Variants in OSBPL10 observed in about 807,000 individuals in gnomAD.
OSBPL10 encodes oxysterol-binding protein-related protein 10.
In OSBPL10, 49 loss-of-function variants were observed where a neutral mutation model predicts 81.7. The observed-to-expected ratio is 0.60, with a 90% CI of 0.48 to 0.76. The LOEUF is 0.76. OSBPL10 is among the 30% of genes least tolerant of loss of function. The probability of loss-of-function intolerance (pLI) is 0.00; values close to 1 mark genes in which losing one functional copy is unlikely to be tolerated. For synonymous variants in OSBPL10, 419 were observed against 383.6 expected, an observed-to-expected ratio of 1.09 and a Z score of -1.08; for missense variants, 923 against 987.8, an observed-to-expected ratio of 0.93 and a Z score of 0.88.
At chr3:32,043,806 G>A (rs1165084719) in intron 2 of OSBPL10, among the ~76,000 whole-genome samples, 1 of 152,212 alleles carries the variant, frequency 6.6e-6, no homozygotes. Flanking sequence ...GTGAATTAAT[G>A]TAGGAACAGA....
chr3:31,823,447 G>A (rs1038117747), intron 4 of OSBPL10, among the ~76,000 whole-genome samples: 1 of 151,184 alleles, frequency 6.6e-6, no homozygotes, highest in Non-Finnish European at 1.5e-5. Flanking sequence ...GAGTAAGCAA[G>A]CTCACAGTCT....
At chr3:31,959,216 C>A (rs139116320) in intron 1 of OSBPL10, among the ~76,000 whole-genome samples, 92 of 152,220 alleles carry the variant, frequency 6.0e-4, no homozygotes, top group Middle Eastern at 3.4e-3. Context: ...ATTTTTAATG[C>A]AGTCTAATCA....
At chr3:31,806,971 A>T (rs2125462496) in intron 4 of OSBPL10, among the ~76,000 whole-genome samples, 1 of 152,326 alleles carries the variant, frequency 6.6e-6, no homozygotes, top group Middle Eastern at 3.4e-3. Context: ...AAACATAGCC[A>T]GGGACCTGGT....
intron 2 of OSBPL10, among the ~76,000 whole-genome samples, chr3:32,026,631 C>A (rs1699417261): frequency 6.6e-6 from 1 of 152,170 alleles, no homozygotes; most frequent in South Asian, 2.1e-4. Flanking sequence ...CGCAGAAAAC[C>A]CTACCGTTAA....
chr3:31,978,782 T>G (rs1471893970), intron 1 of OSBPL10, among the ~76,000 whole-genome samples: 1 of 152,196 alleles, frequency 6.6e-6, no homozygotes, highest in Non-Finnish European at 1.5e-5. Flanking sequence ...GGAGTGTACT[T>G]AATACCACAT....
rs1021366497 is a variant in OSBPL10, at chr3:31,865,392, C to A, written c.537+11041G>T. On this transcript the variant is annotated intron_variant, in intron 3 of 11. Coordinates refer to ENST00000396556, the MANE Select transcript of OSBPL10 (RefSeq NM_017784.5). ...GTAGTCTCATGTGGCTAGAGGTCTC[C>A]ATATTGCACAGCATAGTTTTAAAAC... 1.2e-4 allele frequency among the ~76,000 whole-genome samples: 18 copies of A among 152,220 alleles called. No individual in the cohort carries two copies. In the East Asian group the frequency reaches 3.3e-3, roughly 28 times the overall value.
chr3:31,935,480 A>G (rs893917369), intron 1 of OSBPL10, among the ~76,000 whole-genome samples: 1 of 151,938 alleles, frequency 6.6e-6, no homozygotes, highest in Admixed American at 6.6e-5. Context: ...TTGGGAACTA[A>G]AAGAAGAAAA....
At chr3:31,758,071 A>G (rs1407429929) in intron 4 of OSBPL10, among the ~76,000 whole-genome samples, 3 of 152,316 alleles carry the variant, frequency 2.0e-5, no homozygotes, top group Admixed American at 6.5e-5. Flanking sequence ...AAATCTGCAT[A>G]TCAAAACTTA....
rs58442955 is a variant in OSBPL10, at chr3:32,028,927, GACACACACACACACACACAC to G, written n.298+17544_298+17563del. Among the ~76,000 whole-genome samples the G allele has an allele frequency of 2.6e-3, 271 of 105,728 alleles. 4 individuals are homozygous for G. Among genetic ancestry groups the G allele is most frequent in the African/African-American group, 9.3e-3 (251 of 27,070 alleles). 69.4% of individuals were successfully genotyped at this position (105,728 alleles called of 152,430 possible). A position where few individuals can be genotyped will look rare whatever the true frequency, so the allele number is the denominator to read the frequency against. On this transcript the variant is annotated intron_variant and non_coding_transcript_variant, in intron 2 of 3. Coordinates refer to the OSBPL10 transcript ENST00000479173. ...ATTGTTACAGTAGGTAGCTAGTCAG[GACACACACACACACACACAC>G]ACACACACACACACACACACACACA...
At chr3:31,684,581 G>A (rs879626395) in intron 7 of OSBPL10, among the ~76,000 whole-genome samples, 1 of 152,172 alleles carries the variant, frequency 6.6e-6, no homozygotes, top group Non-Finnish European at 1.5e-5. Flanking sequence ...CCACTTCATA[G>A]GGGGTCCAGG....
intron 3 of OSBPL10, among the ~76,000 whole-genome samples, chr3:31,862,272 G>C (rs3935364): frequency 0.72 from 109,392 of 152,002 alleles, 39,959 homozygotes; most frequent in South Asian, 0.9. Context: ...TATCTTTAAT[G>C]TGCCCCAGCC....
chr3:31,809,184 C>T (rs1004983800), intron 4 of OSBPL10, among the ~76,000 whole-genome samples: 31 of 152,258 alleles, frequency 2.0e-4, no homozygotes, highest in African/African-American at 7.5e-4. Flanking sequence ...TGAGTTTATT[C>T]CTGGAAAGCC....
At chr3:31,680,965 G>A (rs1452235181) in intron 8 of OSBPL10, among the ~76,000 whole-genome samples, 1 of 152,032 alleles carries the variant, frequency 6.6e-6, no homozygotes. Flanking sequence ...CACTCTTACA[G>A]AAGATAACCT....
At position 31,787,194 on chromosome 3, in the gene OSBPL10, G is replaced by A. The variant is rs560289950; in HGVS notation, c.730-39074C>T. On this transcript the variant is annotated intron_variant, in intron 4 of 11. Transcript: ENST00000396556. ...GATACACAAATATCACAAGGAATTC[G>A]GTTTGCCAATATTCATTCTTTTAAA... Among the ~76,000 whole-genome samples, 4 of 152,112 alleles carry A rather than the reference G, an allele frequency of 2.6e-5. No homozygotes were observed. In the South Asian group the frequency reaches 6.2e-4, roughly 24 times the overall value.
At chr3:31,708,775 GTGTC>G (rs1343185394) in intron 6 of OSBPL10, 1 of 985,342 alleles carries the variant, frequency 1.0e-6, no homozygotes, top group East Asian at 1.1e-4. Flanking sequence ...TTTGGTGGCT[GTGTC>G]TAATTCTCCA....
At chr3:31,675,179 G>A (rs1700435379) in intron 8 of OSBPL10, among the ~76,000 whole-genome samples, 1 of 44,340 alleles carries the variant, frequency 2.3e-5, no homozygotes, top group South Asian at 5.8e-4. Context: ...GGGATACCTT[G>A]GGAATTGGGA....
chr3:32,050,723 G>A (rs901538590), intron 1 of OSBPL10, among the ~76,000 whole-genome samples: 1 of 150,060 alleles, frequency 6.7e-6, no homozygotes, highest in African/African-American at 2.5e-5. Flanking sequence ...GTACAATGGT[G>A]CAATCTCAGC....
chr3:31,809,438 C>G (rs4444746), intron 4 of OSBPL10, among the ~76,000 whole-genome samples: 48,392 of 152,106 alleles, frequency 0.32, 7,981 homozygotes, highest in South Asian at 0.43. Context: ...ACAAACACTT[C>G]AGCTGGATAA....
chr3:31,980,989 C>T lies in OSBPL10; in HGVS notation c.191G>A (p.Ser64Asn). The T allele has an allele frequency of 6.5e-7, 1 of 1,539,100 alleles. No homozygotes were observed. Among genetic ancestry groups the T allele is most frequent in the Non-Finnish European group, 8.7e-7 (1 of 1,148,128 alleles). ...CCTGCGGCCGCCTCCCCCGGACGGG[C>T]TAGCGGCCACAGAGCCCGGGCTGCT... ...SRSSPGSVAA[S>N]PSGGGGRRRE... The change falls in exon 1 of 12, where the codon AGC becomes AAC. Residue 64 changes from serine to asparagine, a missense_variant. Coordinates refer to ENST00000396556, the MANE Select transcript of OSBPL10 (RefSeq NM_017784.5).
Sources: allele counts gnomAD v4.1 joint callset (sites outside exome capture counted in the v4.1 genomes callset), GRCh38; gene constraint gnomAD v4.1.1; transcripts MANE v1.5; gene names NCBI Gene and HGNC (gene_info 2026-07-23, HGNC 2026-07-21).